Variants in RANBP17 observed in about 807,000 individuals in gnomAD.
RANBP17 encodes the protein ran-binding protein 17.
Under a neutral mutation model 141.2 loss-of-function variants are expected in RANBP17, and 158 were observed. The observed-to-expected ratio is 1.12, with a 90% CI of 0.98 to 1.28. The LOEUF (loss-of-function observed/expected upper bound fraction) is 1.28, where lower values mean the gene tolerates loss of function less well. Among genes scored for constraint, RANBP17 ranks in the 50% most tolerant of loss-of-function variants. RANBP17 has a pLI of 0.00. For missense variants in RANBP17, 1,438 were observed against 1,290.7 expected, an observed-to-expected ratio of 1.11 and a Z score of -1.75; for synonymous variants, 430 against 450.0, an observed-to-expected ratio of 0.96 and a Z score of 0.56.
At chr5:170,917,597 T>G (rs1221493608) in intron 9 of RANBP17, among the ~76,000 whole-genome samples, 1 of 152,222 alleles carries the variant, frequency 6.6e-6, no homozygotes, top group African/African-American at 2.4e-5. Context: ...CAATTGTTTT[T>G]GCATATTCTC....
At chr5:170,919,097 A>G (rs1216842140) in intron 10 of RANBP17, among the ~76,000 whole-genome samples, 1 of 152,016 alleles carries the variant, frequency 6.6e-6, no homozygotes, top group Admixed American at 6.6e-5. Context: ...CTATGTGAAG[A>G]AATAAAATTT....
chr5:171,261,784 G>A (rs927073681), intron 24 of RANBP17, among the ~76,000 whole-genome samples: 17 of 152,268 alleles, frequency 1.1e-4, no homozygotes, highest in East Asian at 1.9e-4. Flanking sequence ...ACCTCTGCCT[G>A]TGTTTTATGT....
At position 171,186,623 on chromosome 5, in the gene RANBP17, G is replaced by A. The variant is rs535720554; in HGVS notation, c.2038+3193G>A. Reference sequence around the variant, plus strand: ...GCGATCTCGGCTCACTGCAAGCTCCGCCTCCCGGGTTCACGCCATTCTCCT... The same window carrying A: ...GCGATCTCGGCTCACTGCAAGCTCCACCTCCCGGGTTCACGCCATTCTCCT... On this transcript the variant is annotated intron_variant, in intron 18 of 27. Transcript: ENST00000523189. Among the ~76,000 whole-genome samples the A allele has an allele frequency of 6.5e-4, 77 of 118,386 alleles. 1 individual carries two copies. The highest frequency in any genetic ancestry group is 2.2e-3 in the African/African-American group (65 of 29,824). The allele number at this position is 118,386 out of a possible 152,430, so 77.7% of individuals were successfully genotyped here. A position where few individuals can be genotyped will look rare whatever the true frequency, so the allele number is the denominator to read the frequency against.
chr5:171,169,979 T>G (rs73323447), intron 14 of RANBP17, 151 bp from the exon 15 acceptor site: 7 of 408,966 alleles, frequency 1.7e-5, no homozygotes, highest in Admixed American at 4.3e-5. Flanking sequence ...ATTATAAGAT[T>G]CTTTTTAAAA....
chr5:171,083,310 G>C (rs1246301839), intron 14 of RANBP17, among the ~76,000 whole-genome samples: 3 of 152,038 alleles, frequency 2.0e-5, no homozygotes, highest in African/African-American at 7.2e-5. Flanking sequence ...ATAAAAAGAT[G>C]CCAAAAAGCT....
intron 14 of RANBP17, among the ~76,000 whole-genome samples, chr5:171,062,011 G>C (rs1233493441): frequency 2.0e-5 from 3 of 151,412 alleles, no homozygotes; most frequent in South Asian, 4.2e-4. Context: ...CCATTTGCTT[G>C]GTAGATCTTC....
At chr5:170,884,233 G>A (rs1324194089) in intron 3 of RANBP17, among the ~76,000 whole-genome samples, 1 of 152,096 alleles carries the variant, frequency 6.6e-6, no homozygotes, top group Non-Finnish European at 1.5e-5. Context: ...TTTGACCTCT[G>A]TACAATTGAC....
At chr5:171,157,828 A>G (rs1296936018) in intron 14 of RANBP17, among the ~76,000 whole-genome samples, 10 of 152,234 alleles carry the variant, frequency 6.6e-5, no homozygotes, top group Admixed American at 6.5e-4. Flanking sequence ...AAATCAACAT[A>G]TTATCCTAAG....
At chr5:171,064,063 G>C (rs1329967774) in intron 14 of RANBP17, among the ~76,000 whole-genome samples, 1 of 152,236 alleles carries the variant, frequency 6.6e-6, no homozygotes, top group Non-Finnish European at 1.5e-5. Flanking sequence ...GGTGCTGTTT[G>C]TCACCCCTTT....
chr5:171,258,280 G>C (rs1455237399), intron 24 of RANBP17, among the ~76,000 whole-genome samples: 2 of 152,008 alleles, frequency 1.3e-5, no homozygotes, highest in Non-Finnish European at 2.9e-5. Context: ...CTCATGGATC[G>C]GAAGAATATT....
chr5:171,177,869 A>G (rs1268658410), intron 16 of RANBP17, among the ~76,000 whole-genome samples: 2 of 152,084 alleles, frequency 1.3e-5, no homozygotes, highest in African/African-American at 4.8e-5. Flanking sequence ...CCCTTCCTTT[A>G]TAGTTTCAAA....
Position 171,241,038 on chromosome 5 carries a change from T to C in RANBP17, c.2533T>C (p.Tyr845His). 6.2e-7 allele frequency: 1 copy of C among 1,614,022 alleles called. No individual in the cohort carries two copies. The highest frequency in any genetic ancestry group is 2.2e-5 in the East Asian group (1 of 44,878). ...TCTCAAGTCTGCCTTGTGTGGAAAT[T>C]ATGTCAGCTTTGGCGTCTTCAAGTT... Reference protein sequence around the residue: ...SALKSALCGNYVSFGVFKLYG... With the variant: ...SALKSALCGNHVSFGVFKLYG... The change falls in exon 23 of 28, where the codon TAT becomes CAT. Residue 845 changes from tyrosine to histidine, a missense_variant. By Grantham distance (83) the Tyr-to-His change is moderately conservative. Coordinates refer to ENST00000523189, the MANE Select transcript of RANBP17 (RefSeq NM_022897.5).
intron 13 of RANBP17, among the ~76,000 whole-genome samples, chr5:170,954,918 T>C (rs1341160888): frequency 1.3e-5 from 2 of 152,160 alleles, no homozygotes; most frequent in Non-Finnish European, 2.9e-5. Flanking sequence ...CTGGGCTGCA[T>C]AGCAGGAGGT....
At chr5:171,256,247 A>C (rs1326910477) in intron 24 of RANBP17, among the ~76,000 whole-genome samples, 2 of 152,164 alleles carry the variant, frequency 1.3e-5, no homozygotes, top group East Asian at 1.9e-4. Flanking sequence ...CAAGTCACTT[A>C]ACCTCTCTGT....
chr5:171,037,329 A>G (rs1469713076), intron 14 of RANBP17, among the ~76,000 whole-genome samples: 2 of 151,996 alleles, frequency 1.3e-5, no homozygotes, highest in Non-Finnish European at 2.9e-5. Flanking sequence ...TACATTTGTC[A>G]TAAAGTTTGG....
chr5:170,935,835 C>A (rs1017293169), intron 12 of RANBP17, among the ~76,000 whole-genome samples: 1 of 152,166 alleles, frequency 6.6e-6, no homozygotes, highest in Non-Finnish European at 1.5e-5. Flanking sequence ...CAGACAGGGA[C>A]GTTTAAGTCT....
At chr5:171,050,209 C>T (rs1192156943) in intron 14 of RANBP17, among the ~76,000 whole-genome samples, 4 of 152,036 alleles carry the variant, frequency 2.6e-5, no homozygotes, top group African/African-American at 9.7e-5. Context: ...TCCATTTTAT[C>T]TATTGAGTTT....
chr5:171,089,828 G>GCGTGCA (rs1416047273), intron 14 of RANBP17, among the ~76,000 whole-genome samples: 1 of 152,222 alleles, frequency 6.6e-6, no homozygotes, highest in Non-Finnish European at 1.5e-5. Flanking sequence ...CGCGCACGGT[G>GCGTGCA]CGTGCACCCA....
At chr5:170,939,243 G>A (rs1003827968) in intron 12 of RANBP17, among the ~76,000 whole-genome samples, 25 of 152,012 alleles carry the variant, frequency 1.6e-4, no homozygotes, top group African/African-American at 5.3e-4. Context: ...TCTACTAGCC[G>A]ATCTTTCATT....
Sources: gnomAD v4.1 joint callset for allele counts (sites outside exome capture counted in the v4.1 genomes callset) on GRCh38, gnomAD v4.1.1 for gene constraint, MANE v1.5 for transcripts, NCBI Gene and HGNC (gene_info 2026-07-23, HGNC 2026-07-21) for gene names.